SERGEF: variants seen among roughly 807,000 people sequenced by gnomAD.
SERGEF encodes the protein secretion regulating guanine nucleotide exchange factor.
A neutral mutation model predicts 50.0 loss-of-function variants in SERGEF; 51 were observed. The ratio of observed to expected loss-of-function variants is 1.02; its 90% CI spans 0.81 to 1.29. SERGEF has a LOEUF of 1.29. SERGEF is among the 50% of genes most tolerant of loss of function. The pLI, the probability that SERGEF is intolerant of heterozygous loss-of-function variation, is 0.00. For synonymous variants in SERGEF, 205 were observed against 212.4 expected (o/e 0.97, Z 0.30); for missense variants, 521 against 557.0 (o/e 0.94, Z 0.65).
At chr11:17,927,377 G>A (rs1852271259) in intron 9 of SERGEF, among the ~76,000 whole-genome samples, 1 of 152,182 alleles carries the variant, frequency 6.6e-6, no homozygotes, top group Non-Finnish European at 1.5e-5. Flanking sequence ...AGGGCTTCAG[G>A]CAAGTCTAGA....
intron 10 of SERGEF, among the ~76,000 whole-genome samples, chr11:17,801,295 G>C (rs1849665837): frequency 6.6e-6 from 1 of 152,154 alleles, no homozygotes; most frequent in African/African-American, 2.4e-5. Flanking sequence ...AGCTAGAGAG[G>C]GTTTTAAGCA....
At chr11:17,878,269 A>G (rs866158987) in intron 9 of SERGEF, 25 bp from the exon 10 acceptor site, 1 of 1,526,238 alleles carries the variant, frequency 6.6e-7, no homozygotes, top group Non-Finnish European at 9.0e-7. Context: ...AAAGACAAAG[A>G]AAATGGATAG....
intron 8 of SERGEF, among the ~76,000 whole-genome samples, chr11:17,978,501 T>G (rs1814960667): frequency 6.6e-6 from 1 of 152,152 alleles, no homozygotes; most frequent in South Asian, 2.1e-4. Flanking sequence ...TTGCTTTTGC[T>G]GTGAGTGAGA....
intron 10 of SERGEF, among the ~76,000 whole-genome samples, chr11:17,802,741 G>GCTCC (rs772588298): frequency 2.0e-5 from 3 of 152,012 alleles, no homozygotes; most frequent in African/African-American, 7.2e-5. Flanking sequence ...TAACCATATG[G>GCTCC]CTCCCTCCCT....
At chr11:17,916,940 A>G (rs997746061) in intron 9 of SERGEF, among the ~76,000 whole-genome samples, 2 of 152,266 alleles carry the variant, frequency 1.3e-5, no homozygotes, top group Non-Finnish European at 2.9e-5. Context: ...GGATGCAGTG[A>G]ACAGGGAACA....
intron 3 of SERGEF, among the ~76,000 whole-genome samples, chr11:18,006,324 G>C (rs1234075303): frequency 6.6e-6 from 1 of 151,970 alleles, no homozygotes; most frequent in Non-Finnish European, 1.5e-5. Flanking sequence ...TATAGGCATG[G>C]GGTACCACGC....
At chr11:17,923,468 C>G (rs2133941174) in intron 9 of SERGEF, among the ~76,000 whole-genome samples, 1 of 152,318 alleles carries the variant, frequency 6.6e-6, no homozygotes, top group Middle Eastern at 3.4e-3. Flanking sequence ...GACAAATGAG[C>G]TGAGCACAGG....
chr11:17,992,729 G>T (rs920031779), intron 7 of SERGEF, among the ~76,000 whole-genome samples: 1 of 152,122 alleles, frequency 6.6e-6, no homozygotes, highest in Non-Finnish European at 1.5e-5. Context: ...TTTAATTCTC[G>T]TAACTGCCCA....
Position 17,995,824 on chromosome 11 carries a change from G to C in SERGEF, c.594C>G (p.Phe198Leu). ...LCPGQTLPLFFTAKEPSRVTG... is the reference protein window; with the variant it reads ...LCPGQTLPLFLTAKEPSRVTG... The stretch of plus-strand genomic sequence containing the variant: ...TCACTCTGCTTGGTTCCTTTGCTGT[G>C]AAAAACAATGGAAGAGTCTGCCCAG... Residue 198 changes from phenylalanine (F) to leucine (L), a missense_variant, in exon 6 of 11, where the codon TTC becomes TTG. By Grantham distance (22) the Phe-to-Leu change is conservative. Transcript: ENST00000265965. 3 of 1,613,610 alleles carry C rather than the reference G, an allele frequency of 1.9e-6. No individual in the cohort carries two copies. Among genetic ancestry groups the C allele is most frequent in the Non-Finnish European group, 2.5e-6 (3 of 1,179,604 alleles).
intron 4 of SERGEF, 53 bp downstream of exon 4, chr11:18,004,388 C>T (rs1231505464): frequency 6.1e-5 from 81 of 1,332,852 alleles, no homozygotes; most frequent in Non-Finnish European, 8.0e-5. Flanking sequence ...TAGGTTAATA[C>T]CTTGGAAACA....
chr11:17,886,889 T>C (rs904329573), intron 9 of SERGEF, among the ~76,000 whole-genome samples: 7 of 152,160 alleles, frequency 4.6e-5, no homozygotes, highest in Admixed American at 6.5e-5. Context: ...CCAAACCTAA[T>C]TGGACTATGG....
chr11:17,897,536 A>G (rs1290879543), intron 9 of SERGEF, among the ~76,000 whole-genome samples: 1 of 152,256 alleles, frequency 6.6e-6, no homozygotes. Flanking sequence ...ATAATGGAAT[A>G]CCACTAATCA....
At chr11:17,926,313 G>A (rs1281652812) in intron 9 of SERGEF, among the ~76,000 whole-genome samples, 4 of 152,024 alleles carry the variant, frequency 2.6e-5, no homozygotes. Flanking sequence ...CTACCCTAGA[G>A]GGCCTGATCC....
intron 4 of SERGEF, among the ~76,000 whole-genome samples, chr11:18,003,547 A>G (rs1854009639): frequency 6.6e-6 from 1 of 152,228 alleles, no homozygotes; most frequent in African/African-American, 2.4e-5. Context: ...AATAATTTTT[A>G]TACTGAATTA....
intron 10 of SERGEF, among the ~76,000 whole-genome samples, chr11:17,802,019 T>C (rs550487942): frequency 1.7e-4 from 26 of 152,308 alleles, no homozygotes; most frequent in African/African-American, 6.3e-4. Context: ...TTTCAGATCA[T>C]TATAACCACC....
At chr11:17,865,549 T>G (rs1851006319) in intron 10 of SERGEF, among the ~76,000 whole-genome samples, 1 of 152,118 alleles carries the variant, frequency 6.6e-6, no homozygotes, top group African/African-American at 2.4e-5. Context: ...ACAGTGATAT[T>G]GATAATTCTG....
chr11:17,919,654 T>C (rs1852117165), intron 9 of SERGEF, among the ~76,000 whole-genome samples: 1 of 152,172 alleles, frequency 6.6e-6, no homozygotes, highest in African/African-American at 2.4e-5. Context: ...TCATCCTCTC[T>C]TATTCTCCCC....
chr11:17,817,063 G>C (rs772391563), intron 10 of SERGEF, among the ~76,000 whole-genome samples: 10 of 152,146 alleles, frequency 6.6e-5, no homozygotes, highest in Admixed American at 1.3e-4. Flanking sequence ...TGCTGGTGTT[G>C]CTCTGTCAAA....
At chr11:17,895,240 C>T (rs140294758) in intron 9 of SERGEF, among the ~76,000 whole-genome samples, 270 of 152,224 alleles carry the variant, frequency 1.8e-3, no homozygotes, top group Non-Finnish European at 2.4e-3. Context: ...CAAAACAAAA[C>T]GTATTGAGGC....
Sources: gnomAD v4.1 joint callset for allele counts (sites outside exome capture counted in the v4.1 genomes callset) on GRCh38, gnomAD v4.1.1 for gene constraint, MANE v1.5 for transcripts, NCBI Gene and HGNC (gene_info 2026-07-23, HGNC 2026-07-21) for gene names.